The following GOLGA3 variants were observed in gnomAD, a reference collection of about 807,000 sequenced individuals.
The protein encoded by GOLGA3 is golgin subfamily A member 3.
A neutral mutation model predicts 169.4 loss-of-function variants in GOLGA3; 75 were observed. The observed-to-expected ratio is 0.44, with a 90% CI of 0.37 to 0.54. GOLGA3 has a LOEUF of 0.54. Among genes scored for constraint, GOLGA3 ranks in the 20% least tolerant of loss-of-function variants. The probability of loss-of-function intolerance (pLI) is 0.00; values close to 1 mark genes in which losing one functional copy is unlikely to be tolerated. For missense variants in GOLGA3, 1,899 were observed against 1,930.0 expected (o/e 0.98, Z 0.30); for synonymous variants, 824 against 822.4 (o/e 1.00, Z -0.03).
chr12:132,816,904 T>C, intron 2 of GOLGA3, 92 bp from the exon 3 acceptor site: 18 of 1,121,398 alleles, frequency 1.6e-5, no homozygotes, highest in Non-Finnish European at 2.1e-5. Context: ...GAGAAGAGGA[T>C]CCAGACTCAT....
At chr12:132,782,183 C>T (rs909590662) in intron 17 of GOLGA3, 113 bp downstream of exon 17, 18 of 990,318 alleles carry the variant, frequency 1.8e-5, no homozygotes, top group Admixed American at 5.2e-5. Flanking sequence ...GGCTGCAGGC[C>T]GGGTGGGCTA....
At chr12:132,781,904 A>G (rs1219549409) in intron 17 of GOLGA3, among the ~76,000 whole-genome samples, 1 of 151,970 alleles carries the variant, frequency 6.6e-6, no homozygotes, top group Admixed American at 6.6e-5. Context: ...TGGAAGGTCT[A>G]CCCCTCAACT....
rs974359653 is a variant in GOLGA3, at chr12:132,771,367, A to C, written c.*1738T>G. 11 of 152,352 alleles carry C rather than the reference A, an allele frequency of 7.2e-5. No individual in the cohort carries two copies. Among genetic ancestry groups the C allele is most frequent in the Non-Finnish European group, 1.6e-4 (11 of 68,032 alleles). The allele number at this position is 152,352 out of a possible 1,614,324, so 9.4% of individuals were successfully genotyped here. A position where few individuals can be genotyped will look rare whatever the true frequency, so the allele number is the denominator to read the frequency against. ...TTTCAGACCAGTACATCTGCAGAGG[A>C]GGCCACGCGGACCCATTCTCTCTCT... On this transcript the variant is annotated 3_prime_UTR_variant, in exon 24 of 24. Transcript: ENST00000450791.
intron 6 of GOLGA3, 32 bp downstream of exon 6, chr12:132,807,145 G>T: frequency 7.5e-7 from 1 of 1,336,420 alleles, no homozygotes; most frequent in Non-Finnish European, 1.1e-6. Context: ...CGACTTCGCC[G>T]CACGCTGAGA....
chr12:132,777,676 C>T lies in GOLGA3; in HGVS notation c.3712G>A (p.Asp1238Asn), dbSNP rs143232411. 58,357 of 1,613,914 alleles carry T rather than the reference C, an allele frequency of 0.036. 1,244 individuals are homozygous for T. The highest frequency in any genetic ancestry group is 0.043 in the Non-Finnish European group (50,572 of 1,179,920). Residue 1238 changes from aspartate to asparagine, a missense_variant, in exon 19 of 24, where the codon GAC becomes AAC. Coordinates refer to ENST00000450791, the MANE Select transcript of GOLGA3 (RefSeq NM_001389683.1). The surrounding 1 kb of genome is among the most constrained non-coding windows in gnomAD (Gnocchi z 4.7). ...GGCCCAGGCACTCACTGAAGGTCGT[C>T]GGCCTCGGCCTGCAGCTTCTGCACC... is the stretch of plus-strand genomic sequence containing the variant. ...HLVQKLQAEA[D>N]DLQIREGKHS...
intron 22 of GOLGA3, chr12:132,774,729 G>A (rs954387322): frequency 9.6e-5 from 40 of 414,976 alleles, no homozygotes; most frequent in African/African-American, 6.4e-4. Flanking sequence ...ATAAGCACAC[G>A]ACGCTAAACG....
chr12:132,795,129 G>A (rs1164447833), intron 11 of GOLGA3, among the ~76,000 whole-genome samples: 5 of 150,680 alleles, frequency 3.3e-5, no homozygotes, highest in Non-Finnish European at 4.4e-5. Context: ...AGAGGTTGCA[G>A]TGAGCCGAGA....
intron 17 of GOLGA3, 91 bp from the exon 18 acceptor site, chr12:132,781,005 T>G: frequency 1.1e-6 from 1 of 883,330 alleles, no homozygotes; most frequent in East Asian, 2.4e-5. Context: ...ACACGCCACA[T>G]CACAGGCACA....
In GOLGA3 at chr12:132,777,856, T is replaced by A. The variant is rs1383745147; in HGVS notation, c.3583-51A>T. 1 of 1,599,464 alleles carries A rather than the reference T, an allele frequency of 6.3e-7. No individual in the cohort carries two copies. Among genetic ancestry groups the A allele is most frequent in the Non-Finnish European group, 8.5e-7 (1 of 1,172,112 alleles). ...CATGCCCTGCGTGACACCCACAGCTTTATGACGTGCCGGGCGCAGGGGGTG... is the reference window on the plus strand; with the variant it reads ...CATGCCCTGCGTGACACCCACAGCTATATGACGTGCCGGGCGCAGGGGGTG... On this transcript the variant is annotated intron_variant, in intron 18 of 23. Coordinates refer to ENST00000450791, the MANE Select transcript of GOLGA3 (RefSeq NM_001389683.1). This position sits in a 1 kb window ranked among gnomAD's most constrained non-coding sequence, Gnocchi z 4.7.
At chr12:132,796,820 T>C in intron 9 of GOLGA3, 120 bp from the exon 10 acceptor site, 1 of 1,001,336 alleles carries the variant, frequency 1.0e-6, no homozygotes, top group Non-Finnish European at 1.5e-6. Flanking sequence ...CACCTCCTCA[T>C]CCTGTCTACC....
intron 11 of GOLGA3, among the ~76,000 whole-genome samples, chr12:132,793,765 C>T (rs908476397): frequency 6.6e-6 from 1 of 152,160 alleles, no homozygotes; most frequent in Non-Finnish European, 1.5e-5. Flanking sequence ...TACAGACCCA[C>T]GGCACAGGAC....
chr12:132,826,848 C>CGAG (rs5801994), intron 1 of GOLGA3, among the ~76,000 whole-genome samples: 2 of 152,108 alleles, frequency 1.3e-5, no homozygotes, highest in African/African-American at 2.4e-5. Flanking sequence ...CTCCGGGCAG[C>CGAG]GAGGAGGAGG....
chr12:132,815,133 T>G (rs1949900072), intron 3 of GOLGA3, among the ~76,000 whole-genome samples: 1 of 152,246 alleles, frequency 6.6e-6, no homozygotes, highest in Non-Finnish European at 1.5e-5. Context: ...ATTATTAGTT[T>G]ATACATTTTA....
At chr12:132,809,601 A>AT (rs757703422) in intron 4 of GOLGA3, among the ~76,000 whole-genome samples, 29 of 152,360 alleles carry the variant, frequency 1.9e-4, no homozygotes, top group South Asian at 1.4e-3. Flanking sequence ...CTGTCTGGGC[A>AT]TAACAGAAGG....
chr12:132,789,748 A>G (rs78420727), intron 12 of GOLGA3, among the ~76,000 whole-genome samples: 726 of 141,524 alleles, frequency 5.1e-3, no homozygotes, highest in Non-Finnish European at 6.8e-3. Flanking sequence ...AATAAAATAC[A>G]GCAGGCCGGG....
intron 9 of GOLGA3, among the ~76,000 whole-genome samples, 154 bp downstream of exon 9, chr12:132,798,186 G>GGGC (rs1948958364): frequency 1.5e-5 from 2 of 133,334 alleles, no homozygotes; most frequent in Admixed American, 1.5e-4. Flanking sequence ...GGGTGGGGGG[G>GGGC]GGGTCCCAAA....
intron 8 of GOLGA3, 117 bp downstream of exon 8, chr12:132,801,650 G>A (rs1384664714): frequency 3.1e-6 from 3 of 971,662 alleles, no homozygotes; most frequent in Non-Finnish European, 4.6e-6. Flanking sequence ...CTGGACAGCA[G>A]GTTAAAAACA....
chr12:132,816,386 C>T lies in GOLGA3; in HGVS notation c.406+154G>A, dbSNP rs116008116. Among the ~76,000 whole-genome samples, 1,013 of 152,348 alleles carry T rather than the reference C, an allele frequency of 6.6e-3. 9 individuals are homozygous for T. The highest frequency in any genetic ancestry group is 0.023 in the African/African-American group (953 of 41,576). On this transcript the variant is annotated intron_variant, in intron 3 of 23. Transcript: ENST00000450791. ...CTTCACTCTCTAACTTGAAGCTCTC[C>T]TTGCTAAACTCACAGCCCCACGTGG...
intron 3 of GOLGA3, among the ~76,000 whole-genome samples, chr12:132,814,468 G>A (rs552395819): frequency 3.9e-5 from 6 of 152,302 alleles, no homozygotes; most frequent in East Asian, 1.9e-4. Context: ...AACCTGAAAC[G>A]CCGGCACCGT....
Sources: gnomAD v4.1 joint callset for allele counts (sites outside exome capture counted in the v4.1 genomes callset) on GRCh38, gnomAD v4.1.1 for gene constraint, Gnocchi (gnomAD v3.1) non-coding constraint, MANE v1.5 for transcripts, NCBI Gene and HGNC (gene_info 2026-07-23, HGNC 2026-07-21) for gene names.